PTPRM: variants seen among roughly 807,000 people sequenced by gnomAD.
PTPRM encodes receptor-type tyrosine-protein phosphatase mu.
A neutral mutation model predicts 186.7 loss-of-function variants in PTPRM; 47 were observed. The ratio of observed to expected loss-of-function variants is 0.25; its 90% CI spans 0.20 to 0.32. PTPRM has a LOEUF of 0.32. Among genes scored for constraint, PTPRM ranks in the 10% least tolerant of loss-of-function variants. The pLI, the probability that PTPRM is intolerant of heterozygous loss-of-function variation, is 1.00. For missense variants in PTPRM, 1,494 were observed against 1,865.0 expected (o/e 0.80, Z 3.66); for synonymous variants, 668 against 674.9 (o/e 0.99, Z 0.16).
At chr18:8,210,099 CCAGGAGTT>C (rs1467569252) in intron 14 of PTPRM, among the ~76,000 whole-genome samples, 1 of 151,222 alleles carries the variant, frequency 6.6e-6, no homozygotes, top group Non-Finnish European at 1.5e-5. Flanking sequence ...TCGCTTGAGG[CCAGGAGTT>C]CAAGACCAGC....
chr18:8,150,357 T>A (rs545413160), intron 14 of PTPRM, among the ~76,000 whole-genome samples: 1 of 152,334 alleles, frequency 6.6e-6, no homozygotes, highest in East Asian at 1.9e-4. Context: ...TTATTCTTTT[T>A]TTCTCTAATC....
rs547112044 is a variant in PTPRM at position 7,713,181 on chromosome 18, A to G, written c.74-60968A>G. Among the ~76,000 whole-genome samples, 5 of 152,276 alleles carry G rather than the reference A, an allele frequency of 3.3e-5. No homozygotes were observed. In the South Asian group the frequency reaches 1.0e-3, roughly 32 times the overall value. Reference sequence around the variant, plus strand: ...ACTAACAGTGGATCTCTCTGCAGAAACCCTACAATCCAGAAGAGGGTGGGG... The same window carrying G: ...ACTAACAGTGGATCTCTCTGCAGAAGCCCTACAATCCAGAAGAGGGTGGGG... On this transcript the variant is annotated intron_variant, in intron 1 of 32. Coordinates refer to ENST00000580170, the MANE Select transcript of PTPRM (RefSeq NM_001105244.2).
chr18:8,081,228 G>A (rs1221591391), intron 9 of PTPRM, among the ~76,000 whole-genome samples: 1 of 152,134 alleles, frequency 6.6e-6, no homozygotes, highest in East Asian at 1.9e-4. Context: ...GACAATTTTG[G>A]AAGATTTCAG....
chr18:7,695,429 T>C (rs1568034795), intron 1 of PTPRM, among the ~76,000 whole-genome samples: 1 of 152,194 alleles, frequency 6.6e-6, no homozygotes, highest in Admixed American at 6.5e-5. Flanking sequence ...GGACCACTTA[T>C]TGCTTACATG....
Position 8,286,531 on chromosome 18 carries a change from T to G in PTPRM, c.2755-9837T>G, listed in dbSNP as rs575809273. 2.0e-5 allele frequency among the ~76,000 whole-genome samples: 3 copies of G among 152,338 alleles called. No individual in the cohort carries two copies. The South Asian group carries it at 6.2e-4, about 32-fold the overall frequency. The stretch of plus-strand genomic sequence containing the variant: ...TAGACTAAGGCTGACTGCCAAGGCT[T>G]CCCTTACAAGAAGTAATCCATGTGA... On this transcript the variant is annotated intron_variant, in intron 19 of 32. Coordinates refer to ENST00000580170, the MANE Select transcript of PTPRM (RefSeq NM_001105244.2).
chr18:8,061,357 C>T (rs372099794), intron 7 of PTPRM, among the ~76,000 whole-genome samples: 1,421 of 136,808 alleles, frequency 0.01, 9 homozygotes, highest in African/African-American at 0.025. Flanking sequence ...TGTCTCTGCA[C>T]GTGAGATGGG....
intron 1 of PTPRM, among the ~76,000 whole-genome samples, chr18:7,739,330 T>A (rs1598470772): frequency 6.6e-6 from 1 of 152,318 alleles, no homozygotes; most frequent in African/African-American, 2.4e-5. Context: ...CAACTTCTGA[T>A]GGCCAGCCAC....
Position 8,114,698 on chromosome 18 carries a change from C to T in PTPRM, c.2131-93C>T, listed in dbSNP as rs186118302. On this transcript the variant is annotated intron_variant, in intron 12 of 32. Transcript: ENST00000580170. ...CACGCTCAGAACAGTGAGATCCTTC[C>T]TTATCAGTGCTATTTAAATAGAATT... 4.4e-4 allele frequency: 432 copies of T among 989,172 alleles called. 1 individual carries two copies. The highest frequency in any genetic ancestry group is 7.9e-5 in the Non-Finnish European group (51 of 642,578). 61.3% of individuals were successfully genotyped at this position (989,172 alleles called of 1,614,324 possible).
intron 21 of PTPRM, among the ~76,000 whole-genome samples, chr18:8,318,612 T>C (rs963896720): frequency 6.6e-6 from 1 of 152,158 alleles, no homozygotes; most frequent in African/African-American, 2.4e-5. Flanking sequence ...TTCTTTGGCC[T>C]CAATTTTTAT....
chr18:8,240,781 A>AGAGAGGGG (rs2094421156), intron 14 of PTPRM, among the ~76,000 whole-genome samples: 7 of 26,188 alleles, frequency 2.7e-4, no homozygotes, highest in African/African-American at 1.5e-3. Flanking sequence ...AGAGAGGGAG[A>AGAGAGGGG]GAGAGAGAGA....
At chr18:8,015,782 A>G (rs973631189) in intron 7 of PTPRM, among the ~76,000 whole-genome samples, 2 of 152,138 alleles carry the variant, frequency 1.3e-5, no homozygotes, top group African/African-American at 2.4e-5. Context: ...AAACCTTTTA[A>G]ATTAGAATTA....
intron 1 of PTPRM, among the ~76,000 whole-genome samples, chr18:7,658,993 C>G (rs985804295): frequency 2.0e-5 from 3 of 152,146 alleles, no homozygotes; most frequent in Non-Finnish European, 4.4e-5. Flanking sequence ...CTGAAGCTCT[C>G]CCCAGTTCTG....
chr18:8,122,964 A>T (rs1025617679), intron 13 of PTPRM, among the ~76,000 whole-genome samples: 2 of 152,228 alleles, frequency 1.3e-5, no homozygotes, highest in East Asian at 3.8e-4. Flanking sequence ...AGGAAAGTTT[A>T]GAAAAATTGA....
At chr18:7,845,175 G>C (rs1025843700) in intron 2 of PTPRM, among the ~76,000 whole-genome samples, 3 of 152,076 alleles carry the variant, frequency 2.0e-5, no homozygotes, top group African/African-American at 7.2e-5. Flanking sequence ...GTTGTTTTCT[G>C]GGAGGAATTC....
At chr18:8,252,341 C>T (rs955438794) in intron 17 of PTPRM, 147 bp from the exon 18 acceptor site, 1 of 705,898 alleles carries the variant, frequency 1.4e-6, no homozygotes, top group South Asian at 1.7e-5. Context: ...TGAGGCTTCG[C>T]CCTCTGACCA....
Position 7,567,926 on chromosome 18 carries a change from G to T in PTPRM, c.73+35G>T. On this transcript the variant is annotated intron_variant, in intron 1 of 32. Transcript: ENST00000580170. This position sits in a 1 kb window ranked among gnomAD's most constrained non-coding sequence, Gnocchi z 4.3. ...ACCGCCTCTGCCGCCCCCGAGGCGC[G>T]CGGGCCGGCGCGGGACGCCCGGGAC... 6.6e-7 allele frequency: 1 copy of T among 1,523,390 alleles called. No homozygotes were observed. The highest frequency in any genetic ancestry group is 2.3e-5 in the Admixed American group (1 of 43,254). The allele number at this position is 1,523,390 out of a possible 1,614,324, so 94.4% of individuals were successfully genotyped here.
chr18:7,752,522 C>T (rs756338179), intron 1 of PTPRM, among the ~76,000 whole-genome samples: 1 of 152,122 alleles, frequency 6.6e-6, no homozygotes, highest in Non-Finnish European at 1.5e-5. Flanking sequence ...TTTCCGGGTT[C>T]AAGTGATTCT....
chr18:8,297,017 C>T (rs897906780), intron 20 of PTPRM, among the ~76,000 whole-genome samples: 6 of 152,084 alleles, frequency 3.9e-5, no homozygotes, highest in Admixed American at 2.6e-4. Context: ...GTTACCAACC[C>T]GTAATGCCTT....
intron 1 of PTPRM, among the ~76,000 whole-genome samples, chr18:7,701,890 C>T (rs1047640389): frequency 6.6e-6 from 1 of 151,994 alleles, no homozygotes; most frequent in African/African-American, 2.4e-5. Context: ...GTGTGATGTC[C>T]CCCTCCCTGT....
Sources: allele counts gnomAD v4.1 joint callset (sites outside exome capture counted in the v4.1 genomes callset), GRCh38; gene constraint gnomAD v4.1.1; non-coding constraint Gnocchi (gnomAD v3.1); transcripts MANE v1.5; gene names NCBI Gene and HGNC (gene_info 2026-07-23, HGNC 2026-07-21).